The following LPCAT2 variants were observed in gnomAD, a reference collection of about 807,000 sequenced individuals.
LPCAT2 encodes the protein 1-AGP acyltransferase 11.
LPCAT2 carries 58 observed loss-of-function variants against 64.7 expected under a neutral mutation model. The observed-to-expected ratio is 0.90, with a 90% CI of 0.73 to 1.12. The LOEUF is 1.12. Ranked by LOEUF, LPCAT2 falls within the 50% of genes most tolerant of loss-of-function variation. LPCAT2 has a pLI of 0.00. For missense variants in LPCAT2, 579 were observed against 669.8 expected (o/e 0.86, Z 1.50); for synonymous variants, 252 against 245.3 (o/e 1.03, Z -0.26).
At chr16:55,528,658 C>A in intron 3 of LPCAT2, 64 bp downstream of exon 3, 2 of 1,225,274 alleles carry the variant, frequency 1.6e-6, no homozygotes, top group South Asian at 1.3e-5. Flanking sequence ...TTAAAATAAT[C>A]ATATATAGTT....
intron 13 of LPCAT2, among the ~76,000 whole-genome samples, chr16:55,582,653 C>G (rs1963899786): frequency 1.3e-5 from 2 of 151,996 alleles, no homozygotes; most frequent in South Asian, 4.1e-4. Context: ...TCTCTCAGAG[C>G]ACAATATGCA....
intron 11 of LPCAT2, chr16:55,556,823 T>C (rs1963582255): frequency 6.6e-6 from 1 of 152,198 alleles, no homozygotes; most frequent in Admixed American, 6.5e-5. Flanking sequence ...AACACCCTCA[T>C]TGTTTGTACA....
chr16:55,572,713 T>C (rs531946746), intron 11 of LPCAT2, among the ~76,000 whole-genome samples: 7 of 152,202 alleles, frequency 4.6e-5, no homozygotes, highest in African/African-American at 1.7e-4. Context: ...TACAGCTCCT[T>C]TGGAGGATGA....
At chr16:55,569,664 T>C (rs1448440654) in intron 11 of LPCAT2, among the ~76,000 whole-genome samples, 1 of 152,218 alleles carries the variant, frequency 6.6e-6, no homozygotes, top group Admixed American at 6.5e-5. Flanking sequence ...TTTACAATTC[T>C]CTTCCAGCAT....
intron 11 of LPCAT2, among the ~76,000 whole-genome samples, chr16:55,553,856 G>T (rs1963545750): frequency 6.6e-6 from 1 of 152,154 alleles, no homozygotes; most frequent in Non-Finnish European, 1.5e-5. Context: ...ATTACTCCTT[G>T]ATCTATGGGT....
At chr16:55,579,037 C>A in intron 12 of LPCAT2, 72 bp from the exon 13 acceptor site, 1 of 1,436,172 alleles carries the variant, frequency 7.0e-7, no homozygotes, top group Admixed American at 1.9e-5. Context: ...TTATTAAAGA[C>A]TTTATTTTCC....
intron 8 of LPCAT2, 88 bp from the exon 9 acceptor site, chr16:55,545,647 A>G: frequency 2.4e-6 from 2 of 819,638 alleles, no homozygotes; most frequent in Non-Finnish European, 4.0e-6. Context: ...AGATGATTCA[A>G]TATATTGATA....
chr16:55,509,145 T>G lies in LPCAT2; in HGVS notation c.-37T>G, dbSNP rs1962882043. The G allele has an allele frequency of 7.7e-7, 1 of 1,304,206 alleles. No individual in the cohort carries two copies. Among genetic ancestry groups the G allele is most frequent in the Admixed American group, 3.9e-5 (1 of 25,426 alleles). The allele number at this position is 1,304,206 out of a possible 1,614,324, so 80.8% of individuals were successfully genotyped here. A position where few individuals can be genotyped will look rare whatever the true frequency, so the allele number is the denominator to read the frequency against. ...CTCAGTTTTGGCTGCAGCGCCCGCG[T>G]AGATCGCTTCGGCCGGGTTCTACGC... On this transcript the variant is annotated 5_prime_UTR_variant, in exon 1 of 14. Transcript: ENST00000262134.
At chr16:55,560,548 A>G (rs1963624456) in intron 11 of LPCAT2, among the ~76,000 whole-genome samples, 1 of 152,138 alleles carries the variant, frequency 6.6e-6, no homozygotes, top group Admixed American at 6.5e-5. Flanking sequence ...AAATTAACAT[A>G]TAGCATAAAA....
intron 6 of LPCAT2, among the ~76,000 whole-genome samples, chr16:55,533,892 A>G (rs1963289710): frequency 6.6e-6 from 1 of 152,178 alleles, no homozygotes; most frequent in African/African-American, 2.4e-5. Flanking sequence ...AAAAGCCAGG[A>G]TATAATTATT....
chr16:55,579,002 GC>G (rs2142425227), intron 12 of LPCAT2, 106 bp from the exon 13 acceptor site: 1 of 988,784 alleles, frequency 1.0e-6, no homozygotes, highest in Admixed American at 2.1e-5. Flanking sequence ...CATATTTCTA[GC>G]CCTTGCCACA....
chr16:55,510,883 A>G (rs1962922754), intron 1 of LPCAT2, among the ~76,000 whole-genome samples: 4 of 152,208 alleles, frequency 2.6e-5, no homozygotes, highest in Admixed American at 2.6e-4. Flanking sequence ...TTGGAAAGAA[A>G]CAGCATGGAA....
intron 4 of LPCAT2, among the ~76,000 whole-genome samples, chr16:55,530,494 G>A (rs531620823): frequency 1.4e-4 from 7 of 49,482 alleles, no homozygotes; most frequent in South Asian, 5.5e-4. Flanking sequence ...TGCGGGGGTG[G>A]GGGGGGGGTA....
At chr16:55,534,399 A>G (rs746507510) in intron 6 of LPCAT2, 44 bp from the exon 7 acceptor site, 15 of 1,227,546 alleles carry the variant, frequency 1.2e-5, no homozygotes, top group Middle Eastern at 3.9e-4. Context: ...TTTATTTAGT[A>G]TTTTTCCTCC....
chr16:55,579,129 T>A lies in LPCAT2; in HGVS notation c.1335T>A (p.Asp445Glu), dbSNP rs149088718. ...VAFKLFDVDE[D>E]GYITEEEFST... is the part of the protein sequence containing the mutation. ...TTCAGCTGTTTGACGTTGATGAGGA[T>A]GGCTACATAACGGAGGAAGAGTTCT... Residue 445 changes from aspartate to glutamate, a missense_variant, in exon 13 of 14, where the codon GAT becomes GAA. Coordinates refer to ENST00000262134, the MANE Select transcript of LPCAT2 (RefSeq NM_017839.5). 2.5e-6 allele frequency: 4 copies of A among 1,613,176 alleles called. No individual in the cohort carries two copies. The African/African-American group carries it at 5.3e-5, about 22-fold the overall frequency.
chr16:55,552,103 C>T (rs1280076287), intron 11 of LPCAT2, among the ~76,000 whole-genome samples: 1 of 152,050 alleles, frequency 6.6e-6, no homozygotes, highest in African/African-American at 2.4e-5. Context: ...TAGTCAAGCC[C>T]TTCCCCCAGT....
intron 11 of LPCAT2, among the ~76,000 whole-genome samples, chr16:55,562,107 T>C (rs1414211821): frequency 1.7e-4 from 26 of 152,000 alleles, no homozygotes; most frequent in Non-Finnish European, 2.8e-4. Flanking sequence ...AGAGAGACTC[T>C]GCCACATAGC....
At chr16:55,570,539 G>T (rs1226487597) in intron 11 of LPCAT2, among the ~76,000 whole-genome samples, 1 of 152,088 alleles carries the variant, frequency 6.6e-6, no homozygotes, top group Non-Finnish European at 1.5e-5. Context: ...GGAGGCTGAG[G>T]CGGAGGATCG....
intron 11 of LPCAT2, among the ~76,000 whole-genome samples, chr16:55,557,455 A>T (rs1257200592): frequency 1.3e-5 from 2 of 152,200 alleles, no homozygotes; most frequent in Non-Finnish European, 2.9e-5. Context: ...GATTTAGCAG[A>T]GGGAAGTTTG....
Sources: gnomAD v4.1 joint callset for allele counts (sites outside exome capture counted in the v4.1 genomes callset) on GRCh38, gnomAD v4.1.1 for gene constraint, MANE v1.5 for transcripts, NCBI Gene and HGNC (gene_info 2026-07-23, HGNC 2026-07-21) for gene names.